Variants in GPM6B observed in about 807,000 individuals in gnomAD.
The protein encoded by GPM6B is neuronal membrane glycoprotein M6-b.
In GPM6B, 4 loss-of-function variants were observed where a neutral mutation model predicts 27.2. The ratio of observed to expected loss-of-function variants is 0.15; its 90% CI spans 0.07 to 0.34. The LOEUF is 0.34. Ranked by LOEUF, GPM6B falls within the 10% of genes least tolerant of loss-of-function variation. The pLI is 1.00. For synonymous variants in GPM6B, 124 were observed against 103.1 expected, an observed-to-expected ratio of 1.20 and a Z score of -1.23; for missense variants, 183 against 261.9, an observed-to-expected ratio of 0.70 and a Z score of 2.08.
chrX:13,885,100 T>C (rs2050122332), intron 1 of GPM6B, among the ~76,000 whole-genome samples: 1 of 112,393 alleles, frequency 8.9e-6, no homozygotes. Context: ...TCCCCAACTC[T>C]GCATTCCCAG....
intron 1 of GPM6B, among the ~76,000 whole-genome samples, chrX:13,933,532 C>A (rs930280852): frequency 1.8e-5 from 2 of 112,168 alleles, no homozygotes; most frequent in African/African-American, 3.2e-5. Flanking sequence ...TGTTCCCAAA[C>A]CTGTTTATGC....
chrX:13,920,606 G>T (rs960303726), intron 1 of GPM6B, among the ~76,000 whole-genome samples: 5 of 111,492 alleles, frequency 4.5e-5, no homozygotes, highest in Non-Finnish European at 7.5e-5. Context: ...AAATTAATGG[G>T]TAAGGCCGGG....
At chrX:13,830,930 C>T (rs2147216553) in intron 1 of GPM6B, among the ~76,000 whole-genome samples, 1 of 110,771 alleles carries the variant, frequency 9.0e-6, no homozygotes, top group East Asian at 2.8e-4. Flanking sequence ...TAAATTGTCA[C>T]TGCAAGGGAA....
In GPM6B at chrX:13,795,719, ACTT is replaced by A. The variant is rs544368229; in HGVS notation, c.182-9914_182-9912del. On this transcript the variant is annotated intron_variant, in intron 2 of 7. Transcript: ENST00000316715. ...GACTAAGTTTATTATTAAGTAATAA[ACTT>A]CTCAGTTCTAATTTCTTTTCTTTTT... 1.2e-3 allele frequency among the ~76,000 whole-genome samples: 133 copies of A among 106,590 alleles called. 1 individual carries two copies. In the South Asian group the frequency reaches 0.056, roughly 45 times the overall value. 92.6% of individuals were successfully genotyped at this position (106,590 alleles called of 115,157 possible). A position where few individuals can be genotyped will look rare whatever the true frequency, so the allele number is the denominator to read the frequency against.
chrX:13,918,304 T>A (rs1200737827), intron 1 of GPM6B, among the ~76,000 whole-genome samples: 1 of 112,650 alleles, frequency 8.9e-6, no homozygotes, highest in Non-Finnish European at 1.9e-5. Flanking sequence ...ATGCCTCAAA[T>A]AATGCCTTTG....
chrX:13,850,402 T>C (rs2049701264), intron 1 of GPM6B, among the ~76,000 whole-genome samples: 2 of 112,711 alleles, frequency 1.8e-5, no homozygotes, highest in Non-Finnish European at 3.7e-5. Flanking sequence ...GCTGGTGCCA[T>C]GCTTCTTGTA....
intron 1 of GPM6B, among the ~76,000 whole-genome samples, chrX:13,833,186 C>T (rs1282371169): frequency 9.0e-6 from 1 of 111,397 alleles, no homozygotes; most frequent in Admixed American, 9.5e-5. Flanking sequence ...TCGCATTAAC[C>T]CATAATAACT....
chrX:13,778,322 A>C (rs2048453644), intron 5 of GPM6B, among the ~76,000 whole-genome samples: 1 of 112,137 alleles, frequency 8.9e-6, no homozygotes. Flanking sequence ...TGCTGGGATT[A>C]CAGGCATGAG....
chrX:13,864,283 A>C (rs1166662779), intron 1 of GPM6B, among the ~76,000 whole-genome samples: 1 of 113,035 alleles, frequency 8.8e-6, no homozygotes, highest in Non-Finnish European at 1.9e-5. Flanking sequence ...TCAGCAAAAA[A>C]GTAGAGTCGC....
At chrX:13,791,571 C>T (rs951760774) in intron 2 of GPM6B, among the ~76,000 whole-genome samples, 1 of 110,594 alleles carries the variant, frequency 9.0e-6, no homozygotes, top group Non-Finnish European at 1.9e-5. Flanking sequence ...ACAAAAATTA[C>T]AGTGTACATT....
chrX:13,902,632 T>C (rs5935678), intron 1 of GPM6B, among the ~76,000 whole-genome samples: 46,406 of 109,906 alleles, frequency 0.42, 8,082 homozygotes, highest in East Asian at 0.87. Context: ...AAGAGCCAGC[T>C]GAAAATCCCT....
chrX:13,922,734 C>T (rs1168502074), intron 1 of GPM6B, among the ~76,000 whole-genome samples: 2 of 112,713 alleles, frequency 1.8e-5, no homozygotes, highest in Non-Finnish European at 3.7e-5. Flanking sequence ...AAAAAATAAA[C>T]TTCACTTTCA....
At chrX:13,908,844 C>A (rs986762659) in intron 1 of GPM6B, among the ~76,000 whole-genome samples, 3 of 112,377 alleles carry the variant, frequency 2.7e-5, no homozygotes, top group Non-Finnish European at 5.6e-5. Flanking sequence ...AAATACTTAA[C>A]ACAAAAACAT....
chrX:13,818,657 T>A (rs1178320371), upstream of GPM6B, among the ~76,000 whole-genome samples: 2 of 112,598 alleles, frequency 1.8e-5, no homozygotes, highest in African/African-American at 6.5e-5. Context: ...TATTGTCTCC[T>A]GGTCAGGGGA....
chrX:13,846,931 G>A (rs760311638), intron 1 of GPM6B, among the ~76,000 whole-genome samples: 10 of 109,058 alleles, frequency 9.2e-5, no homozygotes, highest in Non-Finnish European at 1.3e-4. Flanking sequence ...TCTCATGCAC[G>A]TATGAGGAGG....
At chrX:13,868,486 A>G (rs1451445139) in intron 1 of GPM6B, among the ~76,000 whole-genome samples, 1 of 111,975 alleles carries the variant, frequency 8.9e-6, no homozygotes, top group Non-Finnish European at 1.9e-5. Context: ...ATAGAACATG[A>G]ATTAGATATG....
intron 7 of GPM6B, chrX:13,774,476 G>A: frequency 1.7e-6 from 2 of 1,198,833 alleles, no homozygotes; most frequent in Non-Finnish European, 2.3e-6. Flanking sequence ...CCTAGACTCT[G>A]CTTTAGTCTG....
Position 13,844,196 on chromosome X carries a change from C to A in GPM6B, c.-197-58388G>T, listed in dbSNP as rs570540906. ...TTGTCTTAGTATCCTTGATGAAAAT[C>A]AATTGACTATAAACATAAGGGTTAT... On this transcript the variant is annotated intron_variant, in intron 1 of 6. Coordinates refer to the GPM6B transcript ENST00000398361. Among the ~76,000 whole-genome samples the A allele has an allele frequency of 8.0e-5, 9 of 112,096 alleles. No individual in the cohort carries two copies. The South Asian group carries it at 3.3e-3, about 41-fold the overall frequency.
At chrX:13,791,580 T>C (rs2048713680) in intron 2 of GPM6B, among the ~76,000 whole-genome samples, 1 of 111,500 alleles carries the variant, frequency 9.0e-6, no homozygotes, top group African/African-American at 3.3e-5. Context: ...ACAGTGTACA[T>C]TAGCCTAAGA....
Sources: allele counts gnomAD v4.1 joint callset (sites outside exome capture counted in the v4.1 genomes callset), GRCh38; gene constraint gnomAD v4.1.1; transcripts MANE v1.5; gene names NCBI Gene and HGNC (gene_info 2026-07-23, HGNC 2026-07-21).